Variants in GPC6 observed in about 807,000 individuals in gnomAD.
GPC6 encodes glypican-6.
Under a neutral mutation model 55.2 loss-of-function variants are expected in GPC6, and 14 were observed. That is an observed-to-expected ratio of 0.25 (90% confidence interval 0.17 to 0.40). GPC6 has a LOEUF of 0.40. Ranked by LOEUF, GPC6 falls within the 10% of genes least tolerant of loss-of-function variation. GPC6 has a pLI of 1.00. For synonymous variants in GPC6, 278 were observed against 259.6 expected (o/e 1.07, Z -0.68); for missense variants, 641 against 708.5 (o/e 0.90, Z 1.08).
At chr13:93,996,016 A>C in intron 3 of GPC6, among the ~76,000 whole-genome samples, 1 of 152,216 alleles carries the variant, frequency 6.6e-6, no homozygotes, top group East Asian at 1.9e-4. Flanking sequence ...GAATAATTTT[A>C]GTTTTATAAG....
intron 2 of GPC6, among the ~76,000 whole-genome samples, chr13:93,664,456 A>G (rs1881051025): frequency 6.6e-6 from 1 of 152,188 alleles, no homozygotes; most frequent in South Asian, 2.1e-4. Context: ...GTTAAGGGAA[A>G]CTGATTTGGC....
At chr13:93,303,327 T>A (rs1417641106) in intron 1 of GPC6, among the ~76,000 whole-genome samples, 1 of 152,216 alleles carries the variant, frequency 6.6e-6, no homozygotes. Context: ...GGACTTTGGT[T>A]TCCTTAAGAA....
intron 1 of GPC6, among the ~76,000 whole-genome samples, chr13:93,323,184 A>T (rs1280037687): frequency 6.6e-6 from 1 of 152,176 alleles, no homozygotes; most frequent in Non-Finnish European, 1.5e-5. Context: ...ATGTAATATA[A>T]ATTTCATAGT....
chr13:94,206,679 G>A (rs1039989465), intron 4 of GPC6, among the ~76,000 whole-genome samples: 5 of 151,888 alleles, frequency 3.3e-5, no homozygotes, highest in Non-Finnish European at 5.9e-5. Flanking sequence ...CATGGAGAGA[G>A]CCCATCTCTA....
intron 4 of GPC6, among the ~76,000 whole-genome samples, chr13:94,179,142 C>A (rs1171759859): frequency 2.6e-5 from 4 of 152,178 alleles, no homozygotes; most frequent in Non-Finnish European, 4.4e-5. Flanking sequence ...ATCATGTATT[C>A]ATCATCTCCA....
chr13:93,789,064 A>G (rs909345048), intron 2 of GPC6, among the ~76,000 whole-genome samples: 3 of 152,100 alleles, frequency 2.0e-5, no homozygotes, highest in Non-Finnish European at 2.9e-5. Context: ...TGAGAGAAGG[A>G]AAAGAAAAAA....
chr13:93,482,644 T>C (rs758972173), intron 1 of GPC6, among the ~76,000 whole-genome samples: 1 of 152,036 alleles, frequency 6.6e-6, no homozygotes, highest in African/African-American at 2.4e-5. Flanking sequence ...TGCTCAGGAA[T>C]AGAAGGCAAA....
chr13:93,672,209 G>A, intron 2 of GPC6, among the ~76,000 whole-genome samples: 1 of 148,646 alleles, frequency 6.7e-6, no homozygotes. Context: ...GTGTGTGTGT[G>A]TGTATATGTG....
intron 4 of GPC6, among the ~76,000 whole-genome samples, chr13:94,073,000 C>A (rs1884789701): frequency 6.6e-6 from 1 of 151,970 alleles, no homozygotes. Flanking sequence ...AATACTGGGC[C>A]CCATTCAAGA....
intron 1 of GPC6, among the ~76,000 whole-genome samples, chr13:93,434,406 G>T (rs990253514): frequency 8.5e-5 from 13 of 152,212 alleles, no homozygotes; most frequent in African/African-American, 2.6e-4. Context: ...GTATAATTGG[G>T]GGGATAAAAC....
intron 6 of GPC6, among the ~76,000 whole-genome samples, chr13:94,359,571 C>T (rs981466632): frequency 3.9e-5 from 6 of 151,928 alleles, no homozygotes; most frequent in Non-Finnish European, 5.9e-5. Context: ...TAAGGCTCGT[C>T]AAAGAAGTAA....
chr13:93,778,561 A>G (rs998341341), intron 2 of GPC6, among the ~76,000 whole-genome samples: 1 of 152,178 alleles, frequency 6.6e-6, no homozygotes, highest in Non-Finnish European at 1.5e-5. Flanking sequence ...GGTGACATCA[A>G]TGCACTTGCT....
intron 1 of GPC6, among the ~76,000 whole-genome samples, chr13:93,237,226 A>T (rs1283858564): frequency 6.6e-6 from 1 of 152,156 alleles, no homozygotes; most frequent in Non-Finnish European, 1.5e-5. Flanking sequence ...ATCTACATCA[A>T]CATCTATTGT....
At chr13:93,758,397 A>T (rs926380022) in intron 2 of GPC6, among the ~76,000 whole-genome samples, 7 of 152,010 alleles carry the variant, frequency 4.6e-5, no homozygotes, top group Admixed American at 4.6e-4. Flanking sequence ...CTCCAATTCA[A>T]CTTCAGATTT....
intron 1 of GPC6, among the ~76,000 whole-genome samples, chr13:93,259,853 T>C (rs2139039054): frequency 6.6e-6 from 1 of 152,234 alleles, no homozygotes; most frequent in East Asian, 1.9e-4. Context: ...AGAATGGTAT[T>C]GCTTCATCAC....
intron 3 of GPC6, among the ~76,000 whole-genome samples, chr13:93,893,097 T>A (rs1358850418): frequency 6.6e-6 from 1 of 150,774 alleles, no homozygotes; most frequent in African/African-American, 2.5e-5. Context: ...TTTTCTCTCA[T>A]CGCCCAGGCT....
intron 2 of GPC6, among the ~76,000 whole-genome samples, chr13:93,729,157 G>A (rs1883741625): frequency 6.6e-6 from 1 of 152,146 alleles, no homozygotes; most frequent in Admixed American, 6.5e-5. Context: ...GGGTCTAATA[G>A]TCTTAAATAG....
At chr13:94,114,693 C>T (rs1886372120) in intron 4 of GPC6, among the ~76,000 whole-genome samples, 1 of 152,004 alleles carries the variant, frequency 6.6e-6, no homozygotes, top group African/African-American at 2.4e-5. Flanking sequence ...CTTACATATT[C>T]CTATCTGGTT....
chr13:93,613,660 T>A (rs1878589171), intron 2 of GPC6, among the ~76,000 whole-genome samples: 1 of 152,140 alleles, frequency 6.6e-6, no homozygotes, highest in Non-Finnish European at 1.5e-5. Flanking sequence ...TTCATGGCTT[T>A]GTCATTGCTC....
Sources: gnomAD v4.1 joint callset for allele counts (sites outside exome capture counted in the v4.1 genomes callset) on GRCh38, gnomAD v4.1.1 for gene constraint, MANE v1.5 for transcripts, NCBI Gene and HGNC (gene_info 2026-07-23, HGNC 2026-07-21) for gene names.